CCDC7: variants seen among roughly 807,000 people sequenced by gnomAD.
CCDC7 encodes coiled-coil domain-containing protein 7.
A neutral mutation model predicts 196.9 loss-of-function variants in CCDC7; 183 were observed. That is an observed-to-expected ratio of 0.93 (90% confidence interval 0.82 to 1.05). The LOEUF is 1.05. Among genes scored for constraint, CCDC7 ranks in the 50% least tolerant of loss-of-function variants. CCDC7 has a pLI of 0.00. For missense variants in CCDC7, 1,540 were observed against 1,482.2 expected (o/e 1.04, Z -0.64); for synonymous variants, 525 against 484.6 (o/e 1.08, Z -1.10).
At chr10:32,849,457 C>A (rs775450182) in intron 39 of CCDC7, among the ~76,000 whole-genome samples, 11 of 151,870 alleles carry the variant, frequency 7.2e-5, no homozygotes, top group Non-Finnish European at 1.5e-4. Context: ...GTAATCCCAG[C>A]ACTTTGGGAG....
At chr10:32,745,054 A>T (rs2074477957) in intron 28 of CCDC7, among the ~76,000 whole-genome samples, 1 of 152,208 alleles carries the variant, frequency 6.6e-6, no homozygotes, top group Admixed American at 6.5e-5. Flanking sequence ...TTGTTACTCC[A>T]GCATCATTTG....
chr10:32,756,457 AT>A (rs1348401018), intron 28 of CCDC7, among the ~76,000 whole-genome samples: 1 of 152,076 alleles, frequency 6.6e-6, no homozygotes, highest in Non-Finnish European at 1.5e-5. Context: ...AATATTCAAC[AT>A]TCTTAAAGAA....
chr10:32,516,855 C>T (rs1344361630), intron 9 of CCDC7, among the ~76,000 whole-genome samples: 1 of 152,136 alleles, frequency 6.6e-6, no homozygotes, highest in Non-Finnish European at 1.5e-5. Context: ...CACACAAAAA[C>T]TTGTACATAA....
chr10:32,737,257 G>T (rs2085018333), intron 28 of CCDC7, among the ~76,000 whole-genome samples: 1 of 152,108 alleles, frequency 6.6e-6, no homozygotes, highest in Admixed American at 6.5e-5. Flanking sequence ...AATTCAATTT[G>T]CTAACAATTT....
chr10:32,558,388 C>A (rs117389458), intron 13 of CCDC7, among the ~76,000 whole-genome samples: 2,098 of 152,186 alleles, frequency 0.014, 30 homozygotes, highest in Middle Eastern at 0.027. Flanking sequence ...GCTGCTTAGT[C>A]TTCTTTATGC....
At chr10:32,504,097 CT>C (rs1452572905) in intron 9 of CCDC7, among the ~76,000 whole-genome samples, 3 of 137,746 alleles carry the variant, frequency 2.2e-5, no homozygotes, top group Admixed American at 2.2e-4. Flanking sequence ...TTTTTCTAGT[CT>C]CTATTATTTA....
At chr10:32,469,718 A>G (rs2037564407) in intron 5 of CCDC7, among the ~76,000 whole-genome samples, 1 of 152,188 alleles carries the variant, frequency 6.6e-6, no homozygotes, top group African/African-American at 2.4e-5. Context: ...GAAGCCATCC[A>G]TCAGGTGATG....
At chr10:32,461,843 C>T (rs766119337) in intron 3 of CCDC7, among the ~76,000 whole-genome samples, 52 of 150,068 alleles carry the variant, frequency 3.5e-4, no homozygotes, top group Non-Finnish European at 7.0e-4. Context: ...GTGATCTCGG[C>T]TCACCGCAAC....
intron 18 of CCDC7, among the ~76,000 whole-genome samples, chr10:32,596,947 C>A (rs1362335788): frequency 6.6e-6 from 1 of 152,084 alleles, no homozygotes; most frequent in African/African-American, 2.4e-5. Context: ...TTCTGGCTGC[C>A]CTTAACATTT....
intron 13 of CCDC7, among the ~76,000 whole-genome samples, chr10:32,550,110 C>G (rs1190642611): frequency 6.7e-6 from 1 of 149,980 alleles, no homozygotes; most frequent in East Asian, 1.9e-4. Flanking sequence ...TTGTAGTTTT[C>G]CTTGTAGATG....
intron 9 of CCDC7, among the ~76,000 whole-genome samples, chr10:32,505,313 C>T (rs1283012733): frequency 6.6e-6 from 1 of 151,958 alleles, no homozygotes; most frequent in African/African-American, 2.4e-5. Flanking sequence ...CTCTGGTTTT[C>T]CTAGGCAGAG....
chr10:32,573,329 G>A (rs2057803716), intron 16 of CCDC7, among the ~76,000 whole-genome samples: 1 of 152,176 alleles, frequency 6.6e-6, no homozygotes, highest in South Asian at 2.1e-4. Flanking sequence ...TTTGATATAA[G>A]TTGTTTTAAT....
chr10:32,638,669 A>C lies in CCDC7; in HGVS notation c.2014+3511A>C, dbSNP rs193040203. Reference sequence around the variant, plus strand: ...GAGGATTTTTGCATTGATGTTCATCAAGGATATTGGTCTAAAATTCTCTTT... The same window carrying C: ...GAGGATTTTTGCATTGATGTTCATCCAGGATATTGGTCTAAAATTCTCTTT... On this transcript the variant is annotated intron_variant, in intron 20 of 41. Transcript: ENST00000639629. Among the ~76,000 whole-genome samples the C allele has an allele frequency of 3.3e-3, 497 of 152,328 alleles. 3 individuals are homozygous for C. Among genetic ancestry groups the C allele is most frequent in the African/African-American group, 0.011 (475 of 41,580 alleles).
intron 9 of CCDC7, among the ~76,000 whole-genome samples, chr10:32,515,382 C>T (rs2046854394): frequency 6.6e-6 from 1 of 152,054 alleles, no homozygotes; most frequent in Non-Finnish European, 1.5e-5. Flanking sequence ...ACATATAGAG[C>T]AATGGAATAG....
intron 3 of CCDC7, among the ~76,000 whole-genome samples, chr10:32,459,222 G>A (rs2035052554): frequency 6.6e-6 from 1 of 152,014 alleles, no homozygotes; most frequent in African/African-American, 2.4e-5. Context: ...ATATAATCAT[G>A]TTGTCTGCAA....
At chr10:32,527,850 A>T (rs1346784238) in intron 11 of CCDC7, among the ~76,000 whole-genome samples, 1 of 152,120 alleles carries the variant, frequency 6.6e-6, no homozygotes, top group African/African-American at 2.4e-5. Flanking sequence ...AGAACACAGG[A>T]TTTCTAATTT....
chr10:32,481,199 T>C (rs2039904290), intron 8 of CCDC7, among the ~76,000 whole-genome samples: 1 of 152,202 alleles, frequency 6.6e-6, no homozygotes, highest in South Asian at 2.1e-4. Context: ...CTACTTAACA[T>C]CCCTTCACAT....
At chr10:32,538,610 G>A (rs2050888578) in intron 11 of CCDC7, among the ~76,000 whole-genome samples, 1 of 152,082 alleles carries the variant, frequency 6.6e-6, no homozygotes, top group Admixed American at 6.5e-5. Context: ...ATATGATGTT[G>A]GCTGTGGTTT....
At chr10:32,811,981 G>A (rs997798946) in intron 30 of CCDC7, among the ~76,000 whole-genome samples, 3 of 152,026 alleles carry the variant, frequency 2.0e-5, no homozygotes, top group Non-Finnish European at 4.4e-5. Flanking sequence ...CACCTCAGTA[G>A]ATGCAGAAAA....
Sources: allele counts gnomAD v4.1 joint callset (sites outside exome capture counted in the v4.1 genomes callset), GRCh38; gene constraint gnomAD v4.1.1; transcripts MANE v1.5; gene names NCBI Gene and HGNC (gene_info 2026-07-23, HGNC 2026-07-21).